The following LRP1B variants were observed in gnomAD, a reference collection of about 807,000 sequenced individuals.
LRP1B encodes LDL receptor related protein 1B.
A neutral mutation model predicts 556.6 loss-of-function variants in LRP1B; 217 were observed. The ratio of observed to expected loss-of-function variants is 0.39; its 90% CI spans 0.35 to 0.44. The LOEUF (loss-of-function observed/expected upper bound fraction) is 0.44. Among genes scored for constraint, LRP1B ranks in the 20% least tolerant of loss-of-function variants. LRP1B has a pLI of 1.00. For missense variants in LRP1B, 5,053 were observed against 5,620.8 expected, an observed-to-expected ratio of 0.90 and a Z score of 3.23; for synonymous variants, 2,047 against 1,865.8, an observed-to-expected ratio of 1.10 and a Z score of -2.50.
At chr2:141,172,684 G>A (rs926835355) in intron 7 of LRP1B, among the ~76,000 whole-genome samples, 1 of 151,814 alleles carries the variant, frequency 6.6e-6, no homozygotes, top group Non-Finnish European at 1.5e-5. Flanking sequence ...TTTAAATCAT[G>A]CAATATTCAA....
chr2:141,415,206 G>A (rs187422652), intron 3 of LRP1B, among the ~76,000 whole-genome samples: 397 of 152,236 alleles, frequency 2.6e-3, no homozygotes, highest in African/African-American at 8.1e-3. Context: ...GTAGAGACGG[G>A]GTTTCACCGT....
chr2:140,674,142 G>T (rs1412331774), intron 41 of LRP1B, among the ~76,000 whole-genome samples: 4 of 151,940 alleles, frequency 2.6e-5, no homozygotes, highest in Admixed American at 6.6e-5. Flanking sequence ...TAGAGACGGG[G>T]TTTAACCATG....
At chr2:141,524,840 CA>C (rs34182622) in intron 2 of LRP1B, among the ~76,000 whole-genome samples, 11,704 of 140,838 alleles carry the variant, frequency 0.083, 550 homozygotes, top group South Asian at 0.15. Context: ...TATGGCTATG[CA>C]AAAAAAAAAA....
chr2:141,774,263 G>A (rs1302893639), intron 2 of LRP1B, among the ~76,000 whole-genome samples: 1 of 152,096 alleles, frequency 6.6e-6, no homozygotes, highest in Admixed American at 6.5e-5. Flanking sequence ...GTTTATTTTG[G>A]CTCATGTTTC....
chr2:140,944,112 C>G (rs993025920), intron 20 of LRP1B, among the ~76,000 whole-genome samples: 4 of 151,978 alleles, frequency 2.6e-5, no homozygotes, highest in African/African-American at 9.7e-5. Context: ...CATAGAAATG[C>G]AAAAGACTCT....
rs753992414 is a variant in LRP1B at position 141,062,250 on chromosome 2, C to T, written c.1037G>A (p.Gly346Glu). 5.6e-6 allele frequency: 9 copies of T among 1,608,964 alleles called. No homozygotes were observed. The South Asian group carries it at 9.9e-5, about 18-fold the overall frequency. The change falls in exon 8 of 91, where the codon GGG becomes GAG. Residue 346 changes from glycine (G) to glutamate (E), a missense_variant. Around this residue, in one of 5 missense-constraint regions of LRP1B, gnomAD observed 3,619 missense variants for 3,931.9 expected, o/e 0.92. Transcript: ENST00000389484. ...ACATCTCTCCACTTTGGCGACATTCCCGTAGTCAGTAAAGAAAAGTTTTCT... is the reference window on the plus strand; with the variant it reads ...ACATCTCTCCACTTTGGCGACATTCTCGTAGTCAGTAAAGAAAAGTTTTCT... ...IAGKLFFTDYGNVAKVERCDM... is the reference protein window; with the variant it reads ...IAGKLFFTDYENVAKVERCDM...
At position 140,509,953 on chromosome 2, in the gene LRP1B, G is replaced by T. The variant is rs528649164; in HGVS notation, c.8373C>A (p.Ser2791Arg). The change falls in exon 52 of 91, where the codon AGC (serine) becomes AGA (arginine). Residue 2791 changes from serine to arginine, a missense_variant. Physicochemically the swap from Ser to Arg is moderately radical, Grantham distance 110. Transcript: ENST00000389484. ...CGCAGCCTGCTGTGGAAAGCTCATC[G>T]CTTCCATCTGGACAGTCCCTTTCAC... ...CDGERDCPDGSDELSTAGCAP... is the reference protein window; with the variant it reads ...CDGERDCPDGRDELSTAGCAP... 2 of 1,613,836 alleles carry T rather than the reference G, an allele frequency of 1.2e-6. No homozygotes were observed. The highest frequency in any genetic ancestry group is 1.1e-5 in the South Asian group (1 of 91,060).
intron 2 of LRP1B, among the ~76,000 whole-genome samples, chr2:141,714,931 G>A (rs1692520687): frequency 6.6e-6 from 1 of 152,082 alleles, no homozygotes; most frequent in Non-Finnish European, 1.5e-5. Flanking sequence ...GCTCCAACAA[G>A]CTTGAATAGA....
intron 1 of LRP1B, among the ~76,000 whole-genome samples, chr2:142,065,564 G>A (rs1705079967): frequency 6.6e-6 from 1 of 151,232 alleles, no homozygotes; most frequent in Admixed American, 6.6e-5. Context: ...TTTAAGATCA[G>A]CTAATTAGCA....
intron 5 of LRP1B, among the ~76,000 whole-genome samples, chr2:141,242,683 A>G (rs550522985): frequency 5.3e-5 from 8 of 152,250 alleles, no homozygotes; most frequent in African/African-American, 1.9e-4. Context: ...CATTCGATGC[A>G]CTGACAATAG....
chr2:140,480,271 C>T (rs1051992022), intron 59 of LRP1B, among the ~76,000 whole-genome samples: 7 of 152,142 alleles, frequency 4.6e-5, no homozygotes, highest in Admixed American at 1.3e-4. Flanking sequence ...ATAGTAAATG[C>T]TGAAGGACAT....
chr2:141,504,449 T>A lies in LRP1B; in HGVS notation c.206-23916A>T, dbSNP rs184133482. ...TCCACTTAAAAAAATGCCCATATGC[T>A]AATTGATGAAATCATTTATGTTCAG... On this transcript the variant is annotated intron_variant, in intron 2 of 90. Coordinates refer to ENST00000389484, the MANE Select transcript of LRP1B (RefSeq NM_018557.3). 2.0e-5 allele frequency among the ~76,000 whole-genome samples: 3 copies of A among 152,294 alleles called. No individual in the cohort carries two copies. In the East Asian group the frequency reaches 5.8e-4, roughly 29 times the overall value.
chr2:140,565,534 T>C lies in LRP1B; in HGVS notation c.7195-23563A>G, dbSNP rs549797874. On this transcript the variant is annotated intron_variant, in intron 43 of 90. Transcript: ENST00000389484. ...TTAATTAAATAAGGATATTTACTTA[T>C]AAAGAAATTATATTTTCACCTGAAA... is the stretch of plus-strand genomic sequence containing the variant. 1.8e-4 allele frequency among the ~76,000 whole-genome samples: 27 copies of C among 152,252 alleles called. No individual in the cohort carries two copies. The South Asian group carries it at 5.6e-3, about 32-fold the overall frequency.
At chr2:140,785,638 C>T (rs537817697) in intron 32 of LRP1B, among the ~76,000 whole-genome samples, 2 of 152,198 alleles carry the variant, frequency 1.3e-5, no homozygotes, top group African/African-American at 4.8e-5. Flanking sequence ...ACTTCGCTAA[C>T]TACCCCCTAT....
intron 7 of LRP1B, among the ~76,000 whole-genome samples, chr2:141,125,723 T>C (rs1024813577): frequency 6.6e-6 from 1 of 152,002 alleles, no homozygotes; most frequent in African/African-American, 2.4e-5. Context: ...TCTCTCTGTG[T>C]ACTTTATCCT....
At chr2:141,966,458 A>G (rs1701568814) in intron 1 of LRP1B, among the ~76,000 whole-genome samples, 1 of 151,906 alleles carries the variant, frequency 6.6e-6, no homozygotes, top group Non-Finnish European at 1.5e-5. Context: ...CAGAACAGAG[A>G]GCTAGGAGTT....
At chr2:141,302,165 C>G (rs894143372) in intron 3 of LRP1B, among the ~76,000 whole-genome samples, 2 of 152,018 alleles carry the variant, frequency 1.3e-5, no homozygotes, top group East Asian at 3.9e-4. Context: ...GGAGAGAAAA[C>G]AATGTTTACC....
chr2:141,240,433 G>A (rs1041528269), intron 5 of LRP1B, among the ~76,000 whole-genome samples: 2 of 151,834 alleles, frequency 1.3e-5, no homozygotes, highest in African/African-American at 4.8e-5. Context: ...GATTTCAATA[G>A]TGATATACTT....
intron 32 of LRP1B, among the ~76,000 whole-genome samples, chr2:140,779,325 A>G (rs1689607062): frequency 6.6e-6 from 1 of 152,208 alleles, no homozygotes; most frequent in East Asian, 1.9e-4. Flanking sequence ...GAAACTAGAA[A>G]ACAGTGAAGC....
Sources: gnomAD v4.1 joint callset for allele counts (sites outside exome capture counted in the v4.1 genomes callset) on GRCh38, gnomAD v4.1.1 for gene constraint, gnomAD v4.1.1 regional missense constraint, MANE v1.5 for transcripts, NCBI Gene and HGNC (gene_info 2026-07-23, HGNC 2026-07-21) for gene names.